The following PACSIN1 variants were observed in gnomAD, a reference collection of about 807,000 sequenced individuals.
PACSIN1 encodes the protein protein kinase C and casein kinase substrate in neurons 1, also known as protein kinase C and casein kinase substrate in neurons protein 1.
In PACSIN1, 15 loss-of-function variants were observed where a neutral mutation model predicts 59.5. The ratio of observed to expected loss-of-function variants is 0.25; its 90% CI spans 0.17 to 0.39. PACSIN1 has a LOEUF of 0.39. Ranked by LOEUF, PACSIN1 falls within the 10% of genes least tolerant of loss-of-function variation. The probability of loss-of-function intolerance (pLI) is 1.00; values close to 1 mark genes in which losing one functional copy is unlikely to be tolerated. For missense variants in PACSIN1, 420 were observed against 580.2 expected, an observed-to-expected ratio of 0.72 and a Z score of 2.84; for synonymous variants, 210 against 220.6, an observed-to-expected ratio of 0.95 and a Z score of 0.42.
chr6:34,492,748 G>A (rs1443001814), intron 1 of PACSIN1, among the ~76,000 whole-genome samples: 1 of 152,234 alleles, frequency 6.6e-6, no homozygotes, highest in Non-Finnish European at 1.5e-5. Context: ...TCATTTGTAA[G>A]TGGGAGCTAA....
Position 34,532,817 on chromosome 6 carries a change from T to A in PACSIN1, c.*287T>A. ...CTTCGGGTTCCACCAAAGAGTCTCC[T>A]GAGCCCTGAGGGATGGATGTCTCCT... On this transcript the variant is annotated 3_prime_UTR_variant, in exon 10 of 10. Transcript: ENST00000244458. The surrounding 1 kb of genome is among the most constrained non-coding windows in gnomAD (Gnocchi z 5.2). 2.9e-6 allele frequency: 1 copy of A among 346,106 alleles called. No homozygotes were observed. The highest frequency in any genetic ancestry group is 5.3e-6 in the Non-Finnish European group (1 of 188,474). 21.4% of individuals were successfully genotyped at this position (346,106 alleles called of 1,614,324 possible). A position where few individuals can be genotyped will look rare whatever the true frequency, so the allele number is the denominator to read the frequency against.
chr6:34,477,599 A>G (rs1053357669), intron 1 of PACSIN1, among the ~76,000 whole-genome samples: 2 of 152,156 alleles, frequency 1.3e-5, no homozygotes, highest in East Asian at 3.8e-4. Context: ...TCTCTTCTCC[A>G]GATGGTTATT....
chr6:34,502,844 C>T (rs1446252868), intron 1 of PACSIN1, among the ~76,000 whole-genome samples: 1 of 152,158 alleles, frequency 6.6e-6, no homozygotes, highest in Admixed American at 6.5e-5. Context: ...CCCAGTCAAT[C>T]CACAGAGTCA....
In PACSIN1 at chr6:34,532,192, AC is replaced by A. The variant is rs1324328876; in HGVS notation, c.1226-226del. Among the ~76,000 whole-genome samples, 21 of 151,932 alleles carry A rather than the reference AC, an allele frequency of 1.4e-4. No individual in the cohort carries two copies. The highest frequency in any genetic ancestry group is 4.6e-4 in the Admixed American group (7 of 15,254). ...ATGCGAGGTCTGGTTTTGGGGACGG[AC>A]CCGACACCCAGATTAGGTGAATGGC... On this transcript the variant is annotated intron_variant, in intron 9 of 9. Transcript: ENST00000244458. The surrounding 1 kb of genome is among the most constrained non-coding windows in gnomAD (Gnocchi z 5.2).
chr6:34,511,588 A>C (rs3846870), intron 1 of PACSIN1, among the ~76,000 whole-genome samples: 151,679 of 152,208 alleles, frequency 1, 75,580 homozygotes, highest in Middle Eastern at 1. Context: ...GACATTTTCT[A>C]CCCCCGATCT....
Position 34,527,494 on chromosome 6 carries a change from C to G in PACSIN1, c.220+6C>G. The G allele has an allele frequency of 6.3e-7, 1 of 1,583,946 alleles. No individual in the cohort carries two copies. Among genetic ancestry groups the G allele is most frequent in the African/African-American group, 1.4e-5 (1 of 73,968 alleles). On this transcript the variant is annotated splice_donor_region_variant and intron_variant, in intron 3 of 9. Transcript: ENST00000244458. Reference sequence around the variant, plus strand: ...GCGCCAGCTCATCGAGAAAGGTGCTCCCCCAGGCTCACATCGTGCGCGCCC... The same window carrying G: ...GCGCCAGCTCATCGAGAAAGGTGCTGCCCCAGGCTCACATCGTGCGCGCCC...
intron 1 of PACSIN1, among the ~76,000 whole-genome samples, chr6:34,472,080 G>C (rs1766578478): frequency 6.6e-6 from 1 of 151,840 alleles, no homozygotes; most frequent in Non-Finnish European, 1.5e-5. Context: ...AGACCAACCT[G>C]GCCAATATGG....
chr6:34,496,012 C>G (rs946437162), intron 1 of PACSIN1, among the ~76,000 whole-genome samples: 1 of 152,204 alleles, frequency 6.6e-6, no homozygotes. Context: ...TCAGTTTCCC[C>G]ATCCCTACAA....
chr6:34,480,406 G>A (rs1283184131), intron 1 of PACSIN1, among the ~76,000 whole-genome samples: 1 of 150,974 alleles, frequency 6.6e-6, no homozygotes, highest in African/African-American at 2.4e-5. Flanking sequence ...TAAATTTTTT[G>A]TAGAGATGGG....
intron 1 of PACSIN1, among the ~76,000 whole-genome samples, chr6:34,483,635 CTTTTTTTTTTTTTTT>C (rs10608785): frequency 4.3e-5 from 2 of 46,652 alleles, no homozygotes; most frequent in African/African-American, 1.9e-4. Context: ...CCTTCAAGGA[CTTTTTTTTTTTTTTT>C]TTTTTTTTTT....
rs1767564138 is a variant in PACSIN1 at position 34,530,131 on chromosome 6, G to A, written c.789-112G>A. On this transcript the variant is annotated intron_variant, in intron 6 of 9. Transcript: ENST00000244458. The surrounding 1 kb of genome is among the most constrained non-coding windows in gnomAD (Gnocchi z 4.4). ...GCAAAGCCCACATGATTCCTGGCTGGGCAGCATGCCCAGCACCCTGCTTCC... is the reference window on the plus strand; with the variant it reads ...GCAAAGCCCACATGATTCCTGGCTGAGCAGCATGCCCAGCACCCTGCTTCC... The A allele has an allele frequency of 1.4e-6, 2 of 1,390,184 alleles. No homozygotes were observed. Among genetic ancestry groups the A allele is most frequent in the African/African-American group, 1.5e-5 (1 of 68,782 alleles). The allele number at this position is 1,390,184 out of a possible 1,614,324, so 86.1% of individuals were successfully genotyped here.
At chr6:34,522,171 G>A (rs1259036359) in intron 1 of PACSIN1, among the ~76,000 whole-genome samples, 1 of 152,206 alleles carries the variant, frequency 6.6e-6, no homozygotes, top group Non-Finnish European at 1.5e-5. Flanking sequence ...CAGGGGTCCC[G>A]GGGAATGAGG....
intron 1 of PACSIN1, among the ~76,000 whole-genome samples, chr6:34,470,068 CGG>C (rs1159134292): frequency 5.3e-5 from 8 of 152,050 alleles, no homozygotes; most frequent in Admixed American, 5.2e-4. Flanking sequence ...AGACTGGGGT[CGG>C]GGGCTCCCCT....
rs1766944453 is a variant in PACSIN1, at chr6:34,496,215, A to G, written c.-64+29945A>G. On this transcript the variant is annotated intron_variant, in intron 1 of 9. Transcript: ENST00000244458. Reference sequence around the variant, plus strand: ...AGTGAAGCCTTGGTCACAATGGCTCATTGGGGATAATTGCTGCGGTAATTA... The same window carrying G: ...AGTGAAGCCTTGGTCACAATGGCTCGTTGGGGATAATTGCTGCGGTAATTA... Among the ~76,000 whole-genome samples the G allele has an allele frequency of 2.0e-5, 3 of 152,252 alleles. No individual in the cohort carries two copies. In the South Asian group the frequency reaches 6.2e-4, roughly 31 times the overall value.
Position 34,498,208 on chromosome 6 carries a change from C to T in PACSIN1, c.-63-28035C>T, listed in dbSNP as rs561180956. ...TCCCAAGTAGCTGGGACTACAGGTG[C>T]GCGCCGCCACGCCTGGCTAATTTTT... On this transcript the variant is annotated intron_variant, in intron 1 of 9. Transcript: ENST00000244458. Among the ~76,000 whole-genome samples, 26 of 152,136 alleles carry T rather than the reference C, an allele frequency of 1.7e-4. No individual in the cohort carries two copies. The East Asian group carries it at 1.7e-3, about 10-fold the overall frequency.
chr6:34,507,610 A>C (rs912347110), intron 1 of PACSIN1, among the ~76,000 whole-genome samples: 1 of 152,044 alleles, frequency 6.6e-6, no homozygotes, highest in Non-Finnish European at 1.5e-5. Context: ...TTAAATGTAC[A>C]ATATTAACTA....
Position 34,510,312 on chromosome 6 carries a change from C to T in PACSIN1, c.-63-15931C>T, listed in dbSNP as rs114190057. 6.9e-3 allele frequency among the ~76,000 whole-genome samples: 1,051 copies of T among 152,290 alleles called. 12 individuals carry two copies. Among genetic ancestry groups the T allele is most frequent in the African/African-American group, 0.024 (992 of 41,554 alleles). On this transcript the variant is annotated intron_variant, in intron 1 of 9. Transcript: ENST00000244458. ...AACATAGTTTGGATCCCTTTCTCCC[C>T]GTGCTAAAAAATACCAATGGCTTCC... is the stretch of plus-strand genomic sequence containing the variant.
chr6:34,530,377 G>C lies in PACSIN1; in HGVS notation c.909+14G>C. 7 of 1,612,606 alleles carry C rather than the reference G, an allele frequency of 4.3e-6. No homozygotes were observed. Among genetic ancestry groups the C allele is most frequent in the Non-Finnish European group, 5.9e-6 (7 of 1,178,900 alleles). ...CCCCAGTTTGAGGTGAGGATATGTG[G>C]GGATGGGAAGGGGAGCCTGAAGAGG... On this transcript the variant is annotated intron_variant, in intron 7 of 9. Coordinates refer to ENST00000244458, the MANE Select transcript of PACSIN1 (RefSeq NM_020804.5). The surrounding 1 kb of genome is among the most constrained non-coding windows in gnomAD (Gnocchi z 4.4).
In PACSIN1 at chr6:34,531,861, T is replaced by A. The variant is rs1395912749; in HGVS notation, c.1225+74T>A. ...TGGGTGTGTGGTGGTGCAGGGGCGG[T>A]GCCTGAGAGAGAAGCTTGGGTCTGG... On this transcript the variant is annotated intron_variant, in intron 9 of 9. Transcript: ENST00000244458. The surrounding 1 kb of genome is among the most constrained non-coding windows in gnomAD (Gnocchi z 4.4). 92 of 1,386,800 alleles carry A rather than the reference T, an allele frequency of 6.6e-5. No homozygotes were observed. In the East Asian group the frequency reaches 1.9e-3, roughly 29 times the overall value. The allele number at this position is 1,386,800 out of a possible 1,614,324, so 85.9% of individuals were successfully genotyped here. A position where few individuals can be genotyped will look rare whatever the true frequency, so the allele number is the denominator to read the frequency against.
Sources: allele counts gnomAD v4.1 joint callset (sites outside exome capture counted in the v4.1 genomes callset), GRCh38; gene constraint gnomAD v4.1.1; non-coding constraint Gnocchi (gnomAD v3.1); transcripts MANE v1.5; gene names NCBI Gene and HGNC (gene_info 2026-07-23, HGNC 2026-07-21).